The following HDAC9 variants were observed in gnomAD, a reference collection of about 807,000 sequenced individuals.
The protein encoded by HDAC9 is MEF-2 interacting transcription repressor (MITR) protein.
Under a neutral mutation model 139.4 loss-of-function variants are expected in HDAC9, and 41 were observed. The observed-to-expected ratio is 0.29, with a 90% CI of 0.23 to 0.38. The LOEUF (loss-of-function observed/expected upper bound fraction) is 0.38, where lower values mean the gene tolerates loss of function less well. HDAC9 is among the 10% of genes least tolerant of loss of function. HDAC9 has a pLI of 1.00. For synonymous variants in HDAC9, 517 were observed against 476.2 expected (o/e 1.09, Z -1.12); for missense variants, 1,147 against 1,297.0 (o/e 0.88, Z 1.78).
At chr7:18,282,216 G>A (rs1276465022) in intron 2 of HDAC9, among the ~76,000 whole-genome samples, 1 of 152,140 alleles carries the variant, frequency 6.6e-6, no homozygotes, top group African/African-American at 2.4e-5. Flanking sequence ...TGTCTACAAT[G>A]TGTTAGTCAC....
intron 22 of HDAC9, among the ~76,000 whole-genome samples, chr7:18,910,975 G>A (rs1033411631): frequency 6.6e-6 from 1 of 151,808 alleles, no homozygotes; most frequent in African/African-American, 2.4e-5. Flanking sequence ...AATGAGTTTG[G>A]AAGAATTTTC....
Position 18,975,870 on chromosome 7 carries a change from G to A in HDAC9, c.3087G>A (p.Gln1029=), listed in dbSNP as rs2129337830. Residue 1029 remains glutamine (Q), a synonymous_variant, in exon 25 of 26, where the codon CAG becomes CAA. Coordinates refer to ENST00000686413, the MANE Select transcript of HDAC9 (RefSeq NM_178425.4). ...VPRGCALAGA[Q]LQEETETVSA... ...GGGGCTGTGCTCTGGCTGGTGCTCA[G>A]TTGCAAGAGGAGACAGAGACCGTTT... 1 of 1,613,924 alleles carries A rather than the reference G, an allele frequency of 6.2e-7. No individual in the cohort carries two copies. Among genetic ancestry groups the A allele is most frequent in the Non-Finnish European group, 8.5e-7 (1 of 1,179,842 alleles).
Position 18,463,783 on chromosome 7 carries a change from C to A in HDAC9, c.-41-32479C>A, listed in dbSNP as rs1230241972. On this transcript the variant is annotated intron_variant, in intron 1 of 3. Transcript: ENST00000413509. The stretch of plus-strand genomic sequence containing the variant: ...TAGTTTTTCCCAGTTTTATTATCAT[C>A]CAAATAAAATAATTTTTTGTTTTCC... Among the ~76,000 whole-genome samples, 51 of 151,912 alleles carry A rather than the reference C, an allele frequency of 3.4e-4. 1 individual carries two copies. The highest frequency in any genetic ancestry group is 3.3e-3 in the Admixed American group (51 of 15,236).
intron 1 of HDAC9, among the ~76,000 whole-genome samples, chr7:18,094,147 C>T (rs1365864574): frequency 6.6e-6 from 1 of 152,120 alleles, no homozygotes; most frequent in Non-Finnish European, 1.5e-5. Flanking sequence ...TGTGGCCAGG[C>T]AAAGGGAGTT....
chr7:18,515,635 G>A (rs1350495899), intron 2 of HDAC9, among the ~76,000 whole-genome samples: 1 of 152,158 alleles, frequency 6.6e-6, no homozygotes, highest in Non-Finnish European at 1.5e-5. Context: ...GAGAACAAAG[G>A]GGGTTCCATC....
chr7:18,500,748 T>C (rs1032516466), intron 2 of HDAC9, among the ~76,000 whole-genome samples: 2 of 152,094 alleles, frequency 1.3e-5, no homozygotes, highest in African/African-American at 4.8e-5. Flanking sequence ...TTAGAGATTC[T>C]GCCAAGAAGA....
intron 12 of HDAC9, 35 bp downstream of exon 12, chr7:18,666,511 T>C (rs1364654325): frequency 6.3e-7 from 1 of 1,591,872 alleles, no homozygotes. Flanking sequence ...GGATTTGTAA[T>C]TAAAGTCATT....
At chr7:18,885,215 A>G (rs1388565323) in intron 22 of HDAC9, among the ~76,000 whole-genome samples, 4 of 152,252 alleles carry the variant, frequency 2.6e-5, no homozygotes, top group African/African-American at 7.2e-5. Context: ...GGCCTGGGCC[A>G]TCAGAATTAT....
chr7:18,322,875 A>G (rs1017378484), intron 1 of HDAC9, among the ~76,000 whole-genome samples: 1 of 152,152 alleles, frequency 6.6e-6, no homozygotes, highest in South Asian at 2.1e-4. Flanking sequence ...GAAATGAGAA[A>G]GGATTCATGA....
chr7:18,510,281 C>A (rs1404132880), intron 2 of HDAC9, among the ~76,000 whole-genome samples: 1 of 152,032 alleles, frequency 6.6e-6, no homozygotes, highest in Non-Finnish European at 1.5e-5. Context: ...ATAATGAATG[C>A]CAATAGAAAT....
intron 1 of HDAC9, among the ~76,000 whole-genome samples, chr7:18,398,315 A>G (rs1787236384): frequency 6.6e-6 from 1 of 152,228 alleles, no homozygotes; most frequent in Admixed American, 6.5e-5. Context: ...TATTTTTCTC[A>G]GATTTTAACT....
chr7:18,771,668 C>A (rs762807873), intron 16 of HDAC9, among the ~76,000 whole-genome samples: 1 of 151,994 alleles, frequency 6.6e-6, no homozygotes, highest in South Asian at 2.1e-4. Context: ...TATTACACCA[C>A]ATTGGTCCTT....
chr7:18,170,961 A>C (rs942739060), intron 2 of HDAC9, among the ~76,000 whole-genome samples: 1 of 152,168 alleles, frequency 6.6e-6, no homozygotes, highest in African/African-American at 2.4e-5. Context: ...ACTTTAAAGT[A>C]GTTTCTTCCA....
intron 16 of HDAC9, among the ~76,000 whole-genome samples, chr7:18,773,787 A>T (rs1042096998): frequency 6.6e-6 from 1 of 152,088 alleles, no homozygotes; most frequent in African/African-American, 2.4e-5. Context: ...TTTCATTTTA[A>T]GGTGAAGTAA....
chr7:18,120,896 T>C lies in HDAC9; in HGVS notation c.-97+33683T>C, dbSNP rs528413536. Among the ~76,000 whole-genome samples, 3 of 152,320 alleles carry C rather than the reference T, an allele frequency of 2.0e-5. No individual in the cohort carries two copies. In the South Asian group the frequency reaches 6.2e-4, roughly 32 times the overall value. ...CTGGTTGTTGAGAAATCGAAGACTC[T>C]TTGTGGGTTCTTAAGGATGAGAGTT... On this transcript the variant is annotated intron_variant, in intron 1 of 12. Coordinates refer to the HDAC9 transcript ENST00000417496.
rs1300405241 is a variant in HDAC9, at chr7:18,528,723, A to G, written c.22+32399A>G. 2.0e-5 allele frequency among the ~76,000 whole-genome samples: 3 copies of G among 152,304 alleles called. No individual in the cohort carries two copies. The South Asian group carries it at 6.2e-4, about 32-fold the overall frequency. On this transcript the variant is annotated intron_variant, in intron 2 of 25. Transcript: ENST00000686413. ...TAACAATGAATTTTATAGTAGTGAT[A>G]GATACATAAGGAGACAGGAATCGAT...
intron 1 of HDAC9, among the ~76,000 whole-genome samples, chr7:18,481,944 T>C (rs1795584046): frequency 6.6e-6 from 1 of 152,146 alleles, no homozygotes; most frequent in Admixed American, 6.5e-5. Context: ...GAAAAATCAT[T>C]ATTAGCTGTG....
intron 2 of HDAC9, among the ~76,000 whole-genome samples, chr7:18,235,667 C>T (rs570389507): frequency 2.0e-5 from 3 of 152,196 alleles, no homozygotes; most frequent in Non-Finnish European, 2.9e-5. Context: ...AGCATGATCT[C>T]ATACATTACC....
At chr7:18,117,734 T>C (rs1784097867) in intron 1 of HDAC9, among the ~76,000 whole-genome samples, 1 of 152,154 alleles carries the variant, frequency 6.6e-6, no homozygotes. Flanking sequence ...ACACCTTGAT[T>C]TCAGACTTCT....
Sources: allele counts gnomAD v4.1 joint callset (sites outside exome capture counted in the v4.1 genomes callset), GRCh38; gene constraint gnomAD v4.1.1; transcripts MANE v1.5; gene names NCBI Gene and HGNC (gene_info 2026-07-23, HGNC 2026-07-21).